Variants in GEMIN4 observed in about 807,000 individuals in gnomAD.
The protein encoded by GEMIN4 is gem nuclear organelle associated protein 4.
Under a neutral mutation model 76.8 loss-of-function variants are expected in GEMIN4, and 59 were observed. The ratio of observed to expected loss-of-function variants is 0.77; its 90% CI spans 0.62 to 0.95. The LOEUF (loss-of-function observed/expected upper bound fraction) is 0.95, where lower values mean the gene tolerates loss of function less well. GEMIN4 is among the 40% of genes least tolerant of loss of function. The pLI is 0.00. For synonymous variants in GEMIN4, 562 were observed against 559.7 expected (o/e 1.00, Z -0.06); for missense variants, 1,311 against 1,318.9 (o/e 0.99, Z 0.09).
Position 747,715 on chromosome 17 carries a change from T to C in GEMIN4, c.328A>G (p.Thr110Ala). Residue 110 changes from threonine to alanine, a missense_variant, in exon 2 of 2, where the codon ACC becomes GCC. This residue lies in a region of GEMIN4 where 103 missense variants were observed against 152.0 expected (regional missense o/e 0.68). Transcript: ENST00000319004. ...GATTTGAGCAGCTCGAAGAGGATGG[T>C]GTGGTTGATGGTGGGGATCATGTTG... Reference protein sequence around the residue: ...VGNMIPTINHTILFELLKSLE... With the variant: ...VGNMIPTINHAILFELLKSLE... The C allele has an allele frequency of 6.2e-7, 1 of 1,611,798 alleles. No homozygotes were observed. The highest frequency in any genetic ancestry group is 2.2e-5 in the East Asian group (1 of 44,748).
Position 746,329 on chromosome 17 carries a change from G to A in GEMIN4, c.1714C>T (p.Leu572Phe). The change falls in exon 2 of 2, where the codon CTC becomes TTC. Residue 572 changes from leucine to phenylalanine, a missense_variant. Leu to Phe is a conservative substitution (Grantham distance 22). Transcript: ENST00000319004. The surrounding 1 kb of genome is among the most constrained non-coding windows in gnomAD (Gnocchi z 4.3). ...KKMCSLAVVN[L>F]GTHKFLAQIL... ...TGGGCCAGGAACTTGTGGGTGCCGA[G>A]ATTGACCACAGCCAGGCTGCACATT... 1 of 1,613,804 alleles carries A rather than the reference G, an allele frequency of 6.2e-7. No homozygotes were observed. Among genetic ancestry groups the A allele is most frequent in the Non-Finnish European group, 8.5e-7 (1 of 1,179,900 alleles).
chr17:746,554 T>C lies in GEMIN4; in HGVS notation c.1489A>G (p.Lys497Glu). 1 of 1,613,822 alleles carries C rather than the reference T, an allele frequency of 6.2e-7. No homozygotes were observed. Among genetic ancestry groups the C allele is most frequent in the Non-Finnish European group, 8.5e-7 (1 of 1,179,890 alleles). ...GAACGCAGGATACCTGCAAGGACTT[T>C]ATTTTTACCTGGCAGGGAGAGGTCT... ...YADLSLPGKNKVLAGILRSWG... is the reference protein window; with the variant it reads ...YADLSLPGKNEVLAGILRSWG... Residue 497 changes from lysine (K) to glutamate (E), a missense_variant, in exon 2 of 2, where the codon AAA (lysine) becomes GAA (glutamate). Lys to Glu is a moderately conservative substitution (Grantham distance 56, BLOSUM62 1). Around this residue, in one of 2 missense-constraint regions of GEMIN4, gnomAD observed 1,208 missense variants for 1,166.9 expected, o/e 1.04. Coordinates refer to ENST00000319004, the MANE Select transcript of GEMIN4 (RefSeq NM_015721.3). The surrounding 1 kb of genome is among the most constrained non-coding windows in gnomAD (Gnocchi z 4.3).
At chr17:749,984 GAC>G in intron 1 of GEMIN4, 3 of 984,824 alleles carry the variant, frequency 3.0e-6, no homozygotes, top group Non-Finnish European at 3.6e-6. Flanking sequence ...ACTAACGATT[GAC>G]ACAGACTTAC....
At chr17:748,165 A>C in intron 1 of GEMIN4, 133 bp from the exon 2 acceptor site, 1 of 675,724 alleles carries the variant, frequency 1.5e-6, no homozygotes, top group Non-Finnish European at 2.5e-6. Context: ...AGGGATGACT[A>C]CAAGAGCCAC....
At chr17:749,406 C>T in intron 1 of GEMIN4, 1 of 155,324 alleles carries the variant, frequency 6.4e-6, no homozygotes, top group Non-Finnish European at 1.3e-5. Context: ...GGCACAGCAG[C>T]AATCACACAG....
rs766015523 is a variant in GEMIN4, at chr17:747,993, C to A, written c.50G>T (p.Gly17Val). The change falls in exon 2 of 2, where the codon GGA (glycine) becomes GTA (valine). Residue 17 changes from glycine (G) to valine (V), a missense_variant. Physicochemically the swap from Gly to Val is moderately radical, Grantham distance 109 (BLOSUM62 -3). Coordinates refer to ENST00000319004, the MANE Select transcript of GEMIN4 (RefSeq NM_015721.3). The stretch of plus-strand genomic sequence containing the variant: ...CAGCTGCTCGGCCAGCAAGAAGCCT[C>A]CATGCAGAATAGTCATTTCTTCACA... The part of the protein sequence containing the change: ...NICEEMTILH[G>V]GFLLAEQLFH... The A allele has an allele frequency of 1.9e-6, 3 of 1,611,788 alleles. No homozygotes were observed. Among genetic ancestry groups the A allele is most frequent in the Non-Finnish European group, 2.5e-6 (3 of 1,179,036 alleles).
At chr17:748,174 A>G in intron 1 of GEMIN4, 142 bp from the exon 2 acceptor site, 2 of 652,400 alleles carry the variant, frequency 3.1e-6, no homozygotes, top group South Asian at 4.1e-5. Flanking sequence ...TACAAGAGCC[A>G]CTGCACAGCT....
Position 745,829 on chromosome 17 carries a change from C to G in GEMIN4, c.2214G>C (p.Glu738Asp), listed in dbSNP as rs1974378489. Residue 738 changes from glutamate (E) to aspartate (D), a missense_variant, in exon 2 of 2, where the codon GAG (glutamate) becomes GAC (aspartate). By Grantham distance (45) the Glu-to-Asp change is conservative. This residue lies in a region of GEMIN4 where 1,208 missense variants were observed against 1,166.9 expected (regional missense o/e 1.04). Transcript: ENST00000319004. The surrounding 1 kb of genome is among the most constrained non-coding windows in gnomAD (Gnocchi z 4.6). Reference sequence around the variant, plus strand: ...AGGTCTCAGCATTGGCTGATACAATCTCACACAGGAGCTCCAGGATATGGA... The same window carrying G: ...AGGTCTCAGCATTGGCTGATACAATGTCACACAGGAGCTCCAGGATATGGA... The part of the protein sequence containing the change: ...LAIHILELLC[E>D]IVSANAETFS... The G allele has an allele frequency of 6.2e-7, 1 of 1,612,944 alleles. No homozygotes were observed.
upstream of GEMIN4, chr17:754,208 C>CTT (rs1904889479): frequency 6.6e-6 from 1 of 152,208 alleles, no homozygotes; most frequent in African/African-American, 2.4e-5. Context: ...TGCAAGAGCA[C>CTT]AACACACCCC....
chr17:748,430 AT>A (rs1257727441), intron 1 of GEMIN4: 2 of 192,336 alleles, frequency 1.0e-5, no homozygotes, highest in African/African-American at 4.7e-5. Flanking sequence ...CCCAGAGGGG[AT>A]CACCGGAACC....
At chr17:748,109 G>A (rs1333712923) in intron 1 of GEMIN4, 77 bp from the exon 2 acceptor site, 7 of 1,130,968 alleles carry the variant, frequency 6.2e-6, no homozygotes, top group African/African-American at 1.6e-5. Context: ...AGGCTGTCAT[G>A]GTTTGAGATG....
Position 747,968 on chromosome 17 carries a change from C to G in GEMIN4, c.75G>C (p.Leu25=), listed in dbSNP as rs1041983553. ...LHGGFLLAEQ[L]FHPKALAELT... The stretch of plus-strand genomic sequence containing the variant: ...ATTCTGCCAGTGCCTTAGGGTGGAA[C>G]AGCTGCTCGGCCAGCAAGAAGCCTC... The change falls in exon 2 of 2, where the codon CTG becomes CTC. Residue 25 remains leucine, a synonymous_variant. Transcript: ENST00000319004. The G allele has an allele frequency of 6.2e-6, 10 of 1,612,834 alleles. No individual in the cohort carries two copies. The highest frequency in any genetic ancestry group is 4.0e-5 in the African/African-American group (3 of 74,928).
chr17:747,335 C>T lies in GEMIN4; in HGVS notation c.708G>A (p.Lys236=). The T allele has an allele frequency of 6.2e-7, 1 of 1,613,774 alleles. No individual in the cohort carries two copies. Among genetic ancestry groups the T allele is most frequent in the Admixed American group, 1.7e-5 (1 of 60,022 alleles). The change falls in exon 2 of 2, where the codon AAG becomes AAA. Residue 236 remains lysine, a synonymous_variant. Transcript: ENST00000319004. The part of the protein sequence containing the change: ...IQSRILGPGR[K]CCALANLADM... ...CAGCCAGGTTGGCCAGCGCACAGCACTTCCTCCCCGGGCCCAGGATCCGAC... is the reference window on the plus strand; with the variant it reads ...CAGCCAGGTTGGCCAGCGCACAGCATTTCCTCCCCGGGCCCAGGATCCGAC...
rs745874757 is a variant in GEMIN4 at position 745,478 on chromosome 17, C to T, written c.2565G>A (p.Val855=). Residue 855 remains valine, a synonymous_variant, in exon 2 of 2, where the codon GTG becomes GTA. Transcript: ENST00000319004. This position sits in a 1 kb window ranked among gnomAD's most constrained non-coding sequence, Gnocchi z 4.6. ...ACCAAGGCATGACTTGCACCAGGGC[C>T]ACCAGAAAGCCTTTGCTGAACAGTC... ...EVRLFSKGFL[V]ALVQVMPWCS... 1 of 1,612,084 alleles carries T rather than the reference C, an allele frequency of 6.2e-7. No homozygotes were observed. Among genetic ancestry groups the T allele is most frequent in the Non-Finnish European group, 8.5e-7 (1 of 1,179,860 alleles).
At position 746,587 on chromosome 17, in the gene GEMIN4, A is replaced by G. The variant is rs1382411207; in HGVS notation, c.1456T>C (p.Cys486Arg). 4 of 1,613,556 alleles carry G rather than the reference A, an allele frequency of 2.5e-6. No individual in the cohort carries two copies. In the African/African-American group the frequency reaches 4.0e-5, roughly 16 times the overall value. ...CCTGGCAGGGAGAGGTCTGCGTAAC[A>G]TTCCAGGATCAGGTGGATCACCTGC... ...IRQVIHLILE[C>R]YADLSLPGKN... Residue 486 changes from cysteine (C) to arginine (R), a missense_variant, in exon 2 of 2, where the codon TGT becomes CGT. Coordinates refer to ENST00000319004, the MANE Select transcript of GEMIN4 (RefSeq NM_015721.3). This position sits in a 1 kb window ranked among gnomAD's most constrained non-coding sequence, Gnocchi z 4.3.
chr17:753,960 C>T (rs948859853), upstream of GEMIN4: 2 of 152,236 alleles, frequency 1.3e-5, no homozygotes, highest in African/African-American at 2.4e-5. Flanking sequence ...AGGGCCTACC[C>T]GGTTCATGTT....
At position 746,530 on chromosome 17, in the gene GEMIN4, A is replaced by G; in HGVS notation, c.1513T>C (p.Ser505Pro). The G allele has an allele frequency of 6.2e-7, 1 of 1,613,930 alleles. No homozygotes were observed. Among genetic ancestry groups the G allele is most frequent in the South Asian group, 1.1e-5 (1 of 91,090 alleles). Residue 505 changes from serine (S) to proline (P), a missense_variant, in exon 2 of 2, where the codon TCC (serine) becomes CCC (proline). Transcript: ENST00000319004. The surrounding 1 kb of genome is among the most constrained non-coding windows in gnomAD (Gnocchi z 4.3). ...KNKVLAGILR[S>P]WGRKGLSEKL... The stretch of plus-strand genomic sequence containing the variant: ...TCAGAGAGGCCCTTTCGCCCCCAGG[A>G]ACGCAGGATACCTGCAAGGACTTTA...
chr17:750,113 TG>T (rs1904584982), intron 1 of GEMIN4: 1 of 468,722 alleles, frequency 2.1e-6, no homozygotes, highest in Non-Finnish European at 2.8e-6. Context: ...CCCAGCTACT[TG>T]GGGGGCTGAG....
At chr17:749,017 C>T (rs1341170625) in intron 1 of GEMIN4, 1 of 85,678 alleles carries the variant, frequency 1.2e-5, no homozygotes, top group African/African-American at 6.1e-5. Flanking sequence ...AATCACACGG[C>T]CACAGGGTAA....
Sources: gnomAD v4.1 joint callset for allele counts on GRCh38, gnomAD v4.1.1 for gene constraint, gnomAD v4.1.1 regional missense constraint, Gnocchi (gnomAD v3.1) non-coding constraint, MANE v1.5 for transcripts, NCBI Gene and HGNC (gene_info 2026-07-23, HGNC 2026-07-21) for gene names.